Variants in TPP2 observed in about 807,000 individuals in gnomAD.
TPP2 encodes the protein tripeptidyl-peptidase 2.
A neutral mutation model predicts 155.9 loss-of-function variants in TPP2; 34 were observed. The observed-to-expected ratio is 0.22, with a 90% CI of 0.17 to 0.29. The LOEUF is 0.29. Ranked by LOEUF, TPP2 falls within the 10% of genes least tolerant of loss-of-function variation. The pLI, the probability that TPP2 is intolerant of heterozygous loss-of-function variation, is 1.00. For missense variants in TPP2, 1,028 were observed against 1,522.3 expected, an observed-to-expected ratio of 0.68 and a Z score of 5.40; for synonymous variants, 510 against 529.4, an observed-to-expected ratio of 0.96 and a Z score of 0.50.
rs540017572 is a variant in TPP2, at chr13:102,644,529, G to T, written c.2176-28G>T. The T allele has an allele frequency of 3.3e-6, 5 of 1,505,458 alleles. No individual in the cohort carries two copies. In the African/African-American group the frequency reaches 7.0e-5, roughly 21 times the overall value. The allele number at this position is 1,505,458 out of a possible 1,614,324, so 93.3% of individuals were successfully genotyped here. A position where few individuals can be genotyped will look rare whatever the true frequency, so the allele number is the denominator to read the frequency against. ...GTAATTTGAGAAAAATAAGAAAAGAGATATATTTTATTTACTTTTATTTGC... is the reference window on the plus strand; with the variant it reads ...GTAATTTGAGAAAAATAAGAAAAGATATATATTTTATTTACTTTTATTTGC... On this transcript the variant is annotated intron_variant, in intron 17 of 29. Transcript: ENST00000376052.
intron 5 of TPP2, among the ~76,000 whole-genome samples, chr13:102,619,103 C>T (rs564805200): frequency 5.9e-4 from 89 of 152,106 alleles, no homozygotes; most frequent in Non-Finnish European, 8.8e-4. Flanking sequence ...GTATGTTGAC[C>T]ATCCGTATAT....
intron 26 of TPP2, among the ~76,000 whole-genome samples, chr13:102,664,375 T>G (rs554713650): frequency 4.6e-5 from 7 of 152,170 alleles, no homozygotes; most frequent in African/African-American, 1.7e-4. Context: ...CAGAAAGAAA[T>G]GGTTTCATCA....
In TPP2 at chr13:102,623,515, A is replaced by G. The variant is rs976785574; in HGVS notation, c.784+475A>G. Among the ~76,000 whole-genome samples, 7 of 152,222 alleles carry G rather than the reference A, an allele frequency of 4.6e-5. No homozygotes were observed. In the South Asian group the frequency reaches 1.2e-3, roughly 27 times the overall value. ...GAGGCGGAGGTTGCAGTGAGCCGAG[A>G]TCGTGCCATTGCACTCCAGCCTGGG... On this transcript the variant is annotated intron_variant, in intron 6 of 29. Coordinates refer to ENST00000376052, the MANE Select transcript of TPP2 (RefSeq NM_001330588.2).
chr13:102,643,410 A>T, intron 17 of TPP2, 34 bp downstream of exon 17: 1 of 1,547,440 alleles, frequency 6.5e-7, no homozygotes, highest in Non-Finnish European at 8.7e-7. Context: ...TCCTAACACA[A>T]TTTATTTGCC....
chr13:102,672,663 C>T (rs1885055621), intron 27 of TPP2, among the ~76,000 whole-genome samples: 1 of 152,072 alleles, frequency 6.6e-6, no homozygotes, highest in South Asian at 2.1e-4. Context: ...GTGCCCGACA[C>T]CTTGGATTGT....
At chr13:102,648,839 C>G in intron 21 of TPP2, 68 bp from the exon 22 acceptor site, 3 of 1,512,734 alleles carry the variant, frequency 2.0e-6, no homozygotes, top group Non-Finnish European at 2.6e-6. Context: ...TTCACTTTAT[C>G]CTCTTTCAGT....
chr13:102,612,021 A>G (rs1190764744), intron 2 of TPP2, among the ~76,000 whole-genome samples: 2 of 152,172 alleles, frequency 1.3e-5, no homozygotes, highest in Non-Finnish European at 1.5e-5. Flanking sequence ...TTTTAGTAGC[A>G]TTTTGGAAGG....
intron 2 of TPP2, 134 bp downstream of exon 2, chr13:102,605,055 G>A: frequency 7.3e-7 from 1 of 1,361,700 alleles, no homozygotes; most frequent in South Asian, 1.3e-5. Flanking sequence ...GAACATCCTG[G>A]TTTAAAATGA....
chr13:102,649,396 T>C lies in TPP2; in HGVS notation c.2874-12T>C. On this transcript the variant is annotated splice_polypyrimidine_tract_variant and intron_variant, in intron 22 of 29. Transcript: ENST00000376052. ...TTTGTTGCTTTTTTTCTCTTTGAAT[T>C]CTCTTGTTTAGAATACCTAAAGGGG... 6.3e-7 allele frequency: 1 copy of C among 1,595,038 alleles called. No individual in the cohort carries two copies. Among genetic ancestry groups the C allele is most frequent in the African/African-American group, 1.4e-5 (1 of 73,550 alleles).
intron 2 of TPP2, among the ~76,000 whole-genome samples, chr13:102,610,207 G>A (rs9518796): frequency 0.25 from 38,209 of 151,860 alleles, 5,356 homozygotes; most frequent in East Asian, 0.45. Context: ...TGATGTAGTC[G>A]TGCATTTATT....
intron 4 of TPP2, among the ~76,000 whole-genome samples, chr13:102,616,815 C>T (rs575584012): frequency 6.6e-5 from 10 of 152,294 alleles, no homozygotes; most frequent in Admixed American, 1.3e-4. Flanking sequence ...TTTTTCCTTC[C>T]GAAAGACAAC....
chr13:102,606,164 T>C (rs1879812177), intron 2 of TPP2, among the ~76,000 whole-genome samples: 1 of 152,238 alleles, frequency 6.6e-6, no homozygotes, highest in Non-Finnish European at 1.5e-5. Flanking sequence ...TCCTGTACTC[T>C]TAAGCAGCAT....
intron 1 of TPP2, 62 bp downstream of exon 1, chr13:102,597,265 C>T (rs1485060182): frequency 5.9e-6 from 6 of 1,014,242 alleles, no homozygotes; most frequent in Non-Finnish European, 7.9e-6. Flanking sequence ...CGGGTGGGGA[C>T]ACAGTCTCGG....
intron 27 of TPP2, among the ~76,000 whole-genome samples, chr13:102,672,249 A>T (rs902763749): frequency 1.3e-5 from 2 of 152,150 alleles, no homozygotes; most frequent in African/African-American, 4.8e-5. Flanking sequence ...GCTCGCATTT[A>T]TTTAGTACAG....
In TPP2 at chr13:102,610,385, T is replaced by C. The variant is rs546996549; in HGVS notation, c.295-3716T>C. Among the ~76,000 whole-genome samples the C allele has an allele frequency of 7.9e-5, 12 of 152,124 alleles. No individual in the cohort carries two copies. In the South Asian group the frequency reaches 1.7e-3, roughly 21 times the overall value. ...CTGGGATTATAGGCACCCGCCACCA[T>C]GCCCGGCTAATTTTTTGTATTTTTA... On this transcript the variant is annotated intron_variant, in intron 2 of 29. Coordinates refer to ENST00000376052, the MANE Select transcript of TPP2 (RefSeq NM_001330588.2).
intron 27 of TPP2, among the ~76,000 whole-genome samples, chr13:102,672,443 G>A (rs753295909): frequency 1.3e-5 from 2 of 152,092 alleles, no homozygotes; most frequent in East Asian, 1.9e-4. Context: ...CTCAGGCTCC[G>A]GATAAGAGAA....
At chr13:102,677,164 T>C (rs1292617231) in intron 29 of TPP2, among the ~76,000 whole-genome samples, 1 of 152,202 alleles carries the variant, frequency 6.6e-6, no homozygotes, top group Admixed American at 6.5e-5. Context: ...CCTTCACCAG[T>C]CAGTCCAAAT....
chr13:102,671,698 T>C (rs545943392), intron 27 of TPP2, among the ~76,000 whole-genome samples: 2 of 152,270 alleles, frequency 1.3e-5, no homozygotes, highest in African/African-American at 4.8e-5. Flanking sequence ...GTCCCATAGC[T>C]GTAGCATATT....
intron 6 of TPP2, 30 bp downstream of exon 6, chr13:102,623,070 A>G: frequency 6.3e-7 from 1 of 1,598,842 alleles, no homozygotes; most frequent in South Asian, 1.1e-5. Context: ...CCAATGAGAT[A>G]TAGATTTATG....
Sources: gnomAD v4.1 joint callset for allele counts (sites outside exome capture counted in the v4.1 genomes callset) on GRCh38, gnomAD v4.1.1 for gene constraint, MANE v1.5 for transcripts, NCBI Gene and HGNC (gene_info 2026-07-23, HGNC 2026-07-21) for gene names.